The following DLGAP2 variants were observed in gnomAD, a reference collection of about 807,000 sequenced individuals.
DLGAP2 encodes the protein DLG associated protein 2, also known as disks large-associated protein 2.
DLGAP2 carries 26 observed loss-of-function variants against 100.3 expected under a neutral mutation model. The observed-to-expected ratio is 0.26, with a 90% CI of 0.19 to 0.36. DLGAP2 has a LOEUF of 0.36. Ranked by LOEUF, DLGAP2 falls within the 10% of genes least tolerant of loss-of-function variation. The probability of loss-of-function intolerance (pLI) is 1.00; values close to 1 mark genes in which losing one functional copy is unlikely to be tolerated. For synonymous variants in DLGAP2, 886 were observed against 630.1 expected (o/e 1.41, Z -6.08); for missense variants, 1,858 against 1,453.2 (o/e 1.28, Z -4.53).
intron 2 of DLGAP2, among the ~76,000 whole-genome samples, chr8:1,048,946 CA>C (rs1183423312): frequency 1.3e-5 from 2 of 152,270 alleles, no homozygotes; most frequent in African/African-American, 4.8e-5. Context: ...AGAAAAACAG[CA>C]GTGATTTGAC....
chr8:1,299,297 G>A (rs1309737065), intron 3 of DLGAP2, among the ~76,000 whole-genome samples: 1 of 152,194 alleles, frequency 6.6e-6, no homozygotes, highest in African/African-American at 2.4e-5. Flanking sequence ...CCGCATGGAT[G>A]GTCTGTCTGG....
chr8:1,328,906 G>T (rs1801084883), intron 3 of DLGAP2, among the ~76,000 whole-genome samples: 1 of 152,188 alleles, frequency 6.6e-6, no homozygotes, highest in African/African-American at 2.4e-5. Context: ...TCAGGAAATG[G>T]CATGAAATAA....
chr8:1,597,351 T>C (rs1027040146), intron 6 of DLGAP2, among the ~76,000 whole-genome samples: 2 of 150,370 alleles, frequency 1.3e-5, no homozygotes, highest in Admixed American at 1.3e-4. Flanking sequence ...TATGGACTCT[T>C]TTTTGATTCC....
At chr8:1,090,476 T>C (rs1304760996) in intron 2 of DLGAP2, among the ~76,000 whole-genome samples, 2 of 152,262 alleles carry the variant, frequency 1.3e-5, no homozygotes, top group Non-Finnish European at 2.9e-5. Context: ...AGGGTTCGCC[T>C]GTGCCAGCTA....
At chr8:857,705 G>A (rs1199979763) in intron 1 of DLGAP2, among the ~76,000 whole-genome samples, 2 of 152,090 alleles carry the variant, frequency 1.3e-5, no homozygotes, top group Non-Finnish European at 1.5e-5. Flanking sequence ...GTGGAGCAAC[G>A]GGAACTCTCA....
intron 4 of DLGAP2, among the ~76,000 whole-genome samples, chr8:1,548,065 C>T (rs1024763238): frequency 1.3e-5 from 2 of 152,168 alleles, no homozygotes; most frequent in Non-Finnish European, 2.9e-5. Flanking sequence ...CAAAATCCGG[C>T]TGTCAAGAGA....
rs139269621 is a variant in DLGAP2 at position 1,481,238 on chromosome 8, AC to A, written c.107-20126del. On this transcript the variant is annotated intron_variant, in intron 3 of 14. Transcript: ENST00000637795. ...GAAGGTTGAAGGAGGCATTTTTAAA[AC>A]CTCCTGGAGCCTAGTTTTACGTTTT... Among the ~76,000 whole-genome samples, 1,424 of 151,208 alleles carry A rather than the reference AC, an allele frequency of 9.4e-3. 17 individuals carry two copies. The highest frequency in any genetic ancestry group is 0.028 in the African/African-American group (1,150 of 41,210).
At chr8:1,341,905 ATTGAGGTCTGAGGTT>A (rs567417535) in intron 3 of DLGAP2, among the ~76,000 whole-genome samples, 79 of 152,204 alleles carry the variant, frequency 5.2e-4, no homozygotes, top group Admixed American at 1.6e-3. Context: ...GGGTGAAGCA[ATTGAGGTCTGAGGTT>A]TTGTTTTGTT....
Position 1,549,318 on chromosome 8 carries a change from C to T in DLGAP2, c.865C>T (p.Pro289Ser). ...KSKERKPEGK[P>S]RPGMSSWWSS... ...CAAGGAGCGCAAGCCGGAGGGCAAGCCCCGGCCCGGCATGAGCAGCTGGTG... is the reference window on the plus strand; with the variant it reads ...CAAGGAGCGCAAGCCGGAGGGCAAGTCCCGGCCCGGCATGAGCAGCTGGTG... Residue 289 changes from proline to serine, a missense_variant, in exon 5 of 15, where the codon CCC becomes TCC. Pro to Ser is a moderately conservative substitution (Grantham distance 74, BLOSUM62 -1). Transcript: ENST00000637795. 1 of 1,612,876 alleles carries T rather than the reference C, an allele frequency of 6.2e-7. No homozygotes were observed. Among genetic ancestry groups the T allele is most frequent in the African/African-American group, 1.3e-5 (1 of 75,064 alleles).
intron 3 of DLGAP2, among the ~76,000 whole-genome samples, chr8:1,423,363 C>G (rs1797153008): frequency 6.6e-6 from 1 of 152,140 alleles, no homozygotes; most frequent in South Asian, 2.1e-4. Flanking sequence ...CAGGACCACC[C>G]CAGGTTCTGT....
At chr8:885,709 A>G (rs895571243) in intron 1 of DLGAP2, among the ~76,000 whole-genome samples, 6 of 152,134 alleles carry the variant, frequency 3.9e-5, no homozygotes, top group African/African-American at 1.4e-4. Flanking sequence ...TGGTTTTCAG[A>G]TGGAATGCTT....
At chr8:1,017,858 C>T (rs1206080089) in intron 2 of DLGAP2, among the ~76,000 whole-genome samples, 1 of 152,220 alleles carries the variant, frequency 6.6e-6, no homozygotes, top group Non-Finnish European at 1.5e-5. Flanking sequence ...TAGTTCAGGG[C>T]AGGCAAACTG....
At chr8:1,177,015 C>T (rs1248864160) in intron 2 of DLGAP2, among the ~76,000 whole-genome samples, 1 of 152,226 alleles carries the variant, frequency 6.6e-6, no homozygotes, top group African/African-American at 2.4e-5. Context: ...AAAGTCAGTC[C>T]TTGAGATCAT....
chr8:1,425,854 C>A (rs1797223614), intron 3 of DLGAP2, among the ~76,000 whole-genome samples: 1 of 152,132 alleles, frequency 6.6e-6, no homozygotes, highest in African/African-American at 2.4e-5. Context: ...AGTTCAGTGC[C>A]TGAGGCAGGG....
In DLGAP2 at chr8:1,104,421, C is replaced by A. The variant is rs185297378; in HGVS notation, c.74-154430C>A. Among the ~76,000 whole-genome samples the A allele has an allele frequency of 5.4e-3, 815 of 152,272 alleles. 3 individuals carry two copies. The highest frequency in any genetic ancestry group is 8.9e-3 in the Non-Finnish European group (603 of 68,014). On this transcript the variant is annotated intron_variant, in intron 2 of 14. Coordinates refer to ENST00000637795, the MANE Select transcript of DLGAP2 (RefSeq NM_001346810.2). The stretch of plus-strand genomic sequence containing the variant: ...CCACAGGACCAGCACAGTCATGTTA[C>A]GGAAATCCCTTTGGTGACAAGAAGT...
intron 2 of DLGAP2, among the ~76,000 whole-genome samples, chr8:1,023,232 A>G (rs1290179880): frequency 1.3e-5 from 2 of 152,208 alleles, no homozygotes; most frequent in South Asian, 2.1e-4. Context: ...GGTTGTTCTC[A>G]GCGTGCCTGA....
At chr8:1,413,195 G>T (rs1293595402) in intron 3 of DLGAP2, among the ~76,000 whole-genome samples, 1 of 152,072 alleles carries the variant, frequency 6.6e-6, no homozygotes, top group East Asian at 1.9e-4. Context: ...CCTCCTCTCT[G>T]TAGCACCTTT....
At chr8:928,350 G>C (rs1171620802) in intron 2 of DLGAP2, among the ~76,000 whole-genome samples, 2 of 152,146 alleles carry the variant, frequency 1.3e-5, no homozygotes, top group Non-Finnish European at 2.9e-5. Context: ...GCGTTCACTA[G>C]GTGTCCTGGT....
intron 3 of DLGAP2, among the ~76,000 whole-genome samples, chr8:1,372,353 C>G (rs1802261356): frequency 6.6e-6 from 1 of 152,298 alleles, no homozygotes; most frequent in African/African-American, 2.4e-5. Context: ...TAATGTGCTT[C>G]CAACACTTAC....
Sources: allele counts gnomAD v4.1 joint callset (sites outside exome capture counted in the v4.1 genomes callset), GRCh38; gene constraint gnomAD v4.1.1; transcripts MANE v1.5; gene names NCBI Gene and HGNC (gene_info 2026-07-23, HGNC 2026-07-21).